The following CLTRN variants were observed in gnomAD, a reference collection of about 807,000 sequenced individuals.
The protein encoded by CLTRN is collectrin.
CLTRN carries 12 observed loss-of-function variants against 14.5 expected under a neutral mutation model. That is an observed-to-expected ratio of 0.83 (90% CI 0.53 to 1.34). The LOEUF is 1.34. CLTRN is among the 40% of genes most tolerant of loss of function. The probability of loss-of-function intolerance (pLI) is 0.00; values close to 1 mark genes in which losing one functional copy is unlikely to be tolerated. For missense variants in CLTRN, 154 were observed against 165.1 expected, an observed-to-expected ratio of 0.93 and a Z score of 0.37; for synonymous variants, 58 against 56.5, an observed-to-expected ratio of 1.03 and a Z score of -0.12.
At chrX:15,642,013 A>G (rs1387804653) in intron 4 of CLTRN, among the ~76,000 whole-genome samples, 1 of 112,196 alleles carries the variant, frequency 8.9e-6, no homozygotes, top group African/African-American at 3.2e-5. Context: ...TTATCCAACA[A>G]TGGAATATTT....
chrX:15,642,719 G>T (rs1031319571), intron 4 of CLTRN, among the ~76,000 whole-genome samples: 2 of 111,714 alleles, frequency 1.8e-5, no homozygotes, highest in African/African-American at 6.5e-5. Context: ...TTCTAGCATG[G>T]TGGCCTTAAC....
intron 1 of CLTRN, among the ~76,000 whole-genome samples, chrX:15,674,174 CGTTCAGAAATTTCTG>C (rs754965968): frequency 3.0e-4 from 34 of 112,335 alleles, no homozygotes; most frequent in Non-Finnish European, 5.4e-4. Flanking sequence ...TAAGAATGTC[CGTTCAGAAATTTCTG>C]GACAGAAAAG....
chrX:15,661,411 T>C (rs888685193), intron 2 of CLTRN, among the ~76,000 whole-genome samples: 3 of 111,855 alleles, frequency 2.7e-5, no homozygotes, highest in Admixed American at 9.5e-5. Context: ...CCAAGCTACT[T>C]AGATCAGAAC....
chrX:15,659,867 C>A (rs1929464580), intron 2 of CLTRN, among the ~76,000 whole-genome samples: 1 of 112,062 alleles, frequency 8.9e-6, no homozygotes, highest in South Asian at 3.7e-4. Flanking sequence ...AAATAAATTT[C>A]CGTTGTGTAA....
intron 3 of CLTRN, chrX:15,646,630 G>A: frequency 2.9e-6 from 1 of 341,640 alleles, no homozygotes; most frequent in Non-Finnish European, 5.9e-6. Flanking sequence ...GCCCGCATCC[G>A]CATCCGGAGA....
rs1411525429 is a variant in CLTRN, at chrX:15,670,881, TGTGTGTGTGTGTGTG to T, written c.-505-2960_-505-2946del. 8.2e-3 allele frequency among the ~76,000 whole-genome samples: 3 copies of T among 368 alleles called. No individual in the cohort carries two copies. The African/African-American group carries it at 0.091, about 11-fold the overall frequency. 0.3% of individuals were successfully genotyped at this position (368 alleles called of 115,157 possible). ...GAACAGAAGAAAAAAGGGAGACAAG[TGTGTGTGTGTGTGTG>T]TGTGTGTGTGTGTGTGTGTGTGTGT... is the stretch of plus-strand genomic sequence containing the variant. On this transcript the variant is annotated intron_variant, in intron 1 of 6. Coordinates refer to the CLTRN transcript ENST00000650271.
chrX:15,639,895 T>C lies in CLTRN; in HGVS notation c.318-139A>G, dbSNP rs1928900976. 10 of 613,712 alleles carry C rather than the reference T, an allele frequency of 1.6e-5. No individual in the cohort carries two copies. In the South Asian group the frequency reaches 3.3e-4, roughly 20 times the overall value. The allele number at this position is 613,712 out of a possible 1,213,427, so 50.6% of individuals were successfully genotyped here. A position where few individuals can be genotyped will look rare whatever the true frequency, so the allele number is the denominator to read the frequency against. On this transcript the variant is annotated intron_variant, in intron 4 of 5. Transcript: ENST00000380342. The stretch of plus-strand genomic sequence containing the variant: ...TCCTGGCAGGAGACTTCAAGTTGAC[T>C]AAAAAGTTTGCTGAGGGCAATCATG...
intron 3 of CLTRN, among the ~76,000 whole-genome samples, chrX:15,654,131 A>G (rs961543991): frequency 1.8e-5 from 2 of 111,994 alleles, no homozygotes; most frequent in Admixed American, 1.9e-4. Context: ...CAAAAGGACT[A>G]AATAGGCGCT....
At chrX:15,671,846 A>G (rs57445793) in intron 1 of CLTRN, among the ~76,000 whole-genome samples, 2,172 of 30,480 alleles carry the variant, frequency 0.071, 34 homozygotes, top group East Asian at 0.57. Context: ...TTATGCGCGC[A>G]CACACACACA....
intron 4 of CLTRN, 112 bp downstream of exon 4, chrX:15,644,804 A>G (rs1929021997): frequency 1.7e-5 from 8 of 475,814 alleles, no homozygotes. Flanking sequence ...TGTCATTTTA[A>G]TAAATAATTC....
intron 4 of CLTRN, among the ~76,000 whole-genome samples, chrX:15,642,703 TTC>T (rs1350745324): frequency 8.9e-6 from 1 of 112,114 alleles, no homozygotes; most frequent in Non-Finnish European, 1.9e-5. Flanking sequence ...AGTCCTCACT[TTC>T]TCTTTCTAGC....
chrX:15,663,385 G>A (rs1569255712), intron 2 of CLTRN, among the ~76,000 whole-genome samples: 1 of 112,030 alleles, frequency 8.9e-6, no homozygotes, highest in African/African-American at 3.2e-5. Flanking sequence ...TTGCTGACTT[G>A]AAATATTGAG....
In CLTRN at chrX:15,647,011, T is replaced by A; in HGVS notation, c.204-1982A>T. The A allele has an allele frequency of 1.2e-5, 3 of 249,916 alleles. No homozygotes were observed. The Admixed American group carries it at 1.6e-4, about 13-fold the overall frequency. The allele number at this position is 249,916 out of a possible 1,213,427, so 20.6% of individuals were successfully genotyped here. A position where few individuals can be genotyped will look rare whatever the true frequency, so the allele number is the denominator to read the frequency against. Reference sequence around the variant, plus strand: ...GCGGCCGCCTGCCCTGCTGAGGATATGTGGCCGCCAGGCGCCCGGTCGCCG... The same window carrying A: ...GCGGCCGCCTGCCCTGCTGAGGATAAGTGGCCGCCAGGCGCCCGGTCGCCG... On this transcript the variant is annotated intron_variant, in intron 3 of 5. Transcript: ENST00000380342.
intron 3 of CLTRN, among the ~76,000 whole-genome samples, chrX:15,650,505 T>C: frequency 8.9e-6 from 1 of 112,140 alleles, no homozygotes. Flanking sequence ...TTTTTAAAAA[T>C]TCTTTGTTAT....
chrX:15,656,784 C>T (rs768958720), intron 3 of CLTRN, among the ~76,000 whole-genome samples: 9 of 110,707 alleles, frequency 8.1e-5, no homozygotes, highest in Non-Finnish European at 1.3e-4. Flanking sequence ...ACATCTCGCT[C>T]GCCAATTCAT....
intron 4 of CLTRN, among the ~76,000 whole-genome samples, chrX:15,642,951 G>T (rs1175739071): frequency 3.7e-5 from 4 of 109,573 alleles, no homozygotes; most frequent in Non-Finnish European, 5.7e-5. Flanking sequence ...ATTTAAATTA[G>T]CCAGGCATAG....
chrX:15,646,960 G>A (rs761193295), intron 3 of CLTRN: 3 of 255,694 alleles, frequency 1.2e-5, no homozygotes, highest in East Asian at 1.1e-4. Flanking sequence ...CCCTACTCCC[G>A]GGCAGCGTTG....
At chrX:15,646,756 G>A in intron 3 of CLTRN, 3 of 339,129 alleles carry the variant, frequency 8.8e-6, no homozygotes, top group South Asian at 5.2e-5. Context: ...TCTGAGGCTC[G>A]CCTGGCCTAC....
chrX:15,665,837 G>A (rs1487965601), upstream of CLTRN, among the ~76,000 whole-genome samples: 5 of 112,049 alleles, frequency 4.5e-5, no homozygotes, highest in Admixed American at 2.8e-4. Flanking sequence ...TCATACGGGA[G>A]GGAACTGAGG....
Sources: gnomAD v4.1 joint callset for allele counts (sites outside exome capture counted in the v4.1 genomes callset) on GRCh38, gnomAD v4.1.1 for gene constraint, MANE v1.5 for transcripts, NCBI Gene and HGNC (gene_info 2026-07-23, HGNC 2026-07-21) for gene names.